LIMCH1: variants seen among roughly 807,000 people sequenced by gnomAD.
LIMCH1 encodes the protein LIM and calponin homology domains-containing protein 1.
LIMCH1 carries 113 observed loss-of-function variants against 176.5 expected under a neutral mutation model. The ratio of observed to expected loss-of-function variants is 0.64; its 90% confidence interval spans 0.55 to 0.75. The LOEUF (loss-of-function observed/expected upper bound fraction) is 0.75, where lower values mean the gene tolerates loss of function less well. LIMCH1 is among the 30% of genes least tolerant of loss of function. LIMCH1 has a pLI of 0.00. For synonymous variants in LIMCH1, 619 were observed against 645.9 expected (o/e 0.96, Z 0.63); for missense variants, 1,674 against 1,814.9 (o/e 0.92, Z 1.41).
intron 4 of LIMCH1, chr4:41,613,143 CT>C (rs1561919828): frequency 6.8e-7 from 1 of 1,471,220 alleles, no homozygotes; most frequent in Admixed American, 2.0e-5. Flanking sequence ...TATCATTGTA[CT>C]GTTGTGAATC....
Position 41,360,975 on chromosome 4 carries a change from C to A in LIMCH1, c.96+39C>A. The stretch of plus-strand genomic sequence containing the variant: ...GCTGGCGGGCGGCCTTGCACTGGCG[C>A]CCTGAGCCACGGACCCGCGCACGCT... On this transcript the variant is annotated intron_variant, in intron 1 of 26. Transcript: ENST00000313860. The surrounding 1 kb of genome is among the most constrained non-coding windows in gnomAD (Gnocchi z 4.5). 1.4e-6 allele frequency: 2 copies of A among 1,466,606 alleles called. No individual in the cohort carries two copies. The highest frequency in any genetic ancestry group is 2.6e-5 in the East Asian group (1 of 38,156). 90.8% of individuals were successfully genotyped at this position (1,466,606 alleles called of 1,614,324 possible).
intron 1 of LIMCH1, among the ~76,000 whole-genome samples, chr4:41,376,740 T>C (rs2054825891): frequency 6.6e-6 from 1 of 152,202 alleles, no homozygotes; most frequent in Non-Finnish European, 1.5e-5. Context: ...CTCATGACAC[T>C]AATTTGGAAC....
intron 2 of LIMCH1, among the ~76,000 whole-genome samples, chr4:41,521,888 T>G (rs1471391416): frequency 1.3e-5 from 2 of 152,084 alleles, no homozygotes; most frequent in Admixed American, 1.3e-4. Flanking sequence ...TAAGTGTAAT[T>G]TTTACAAAGG....
chr4:41,445,100 G>A (rs1315047072), intron 1 of LIMCH1, among the ~76,000 whole-genome samples: 2 of 149,828 alleles, frequency 1.3e-5, no homozygotes, highest in African/African-American at 4.9e-5. Context: ...CCACCTCCCA[G>A]GTTCAAGCAA....
At chr4:41,692,675 T>A in intron 31 of LIMCH1, 1 of 288,396 alleles carries the variant, frequency 3.5e-6, no homozygotes, top group Non-Finnish European at 6.6e-6. Flanking sequence ...AAAGGAGATA[T>A]AAGGTCTGTC....
chr4:41,429,864 C>CA (rs1287861418), intron 1 of LIMCH1, among the ~76,000 whole-genome samples: 1 of 141,964 alleles, frequency 7.0e-6, no homozygotes, highest in Non-Finnish European at 1.5e-5. Flanking sequence ...TCACCAGTTA[C>CA]AAGGGAAGGA....
chr4:41,401,704 T>A (rs2058459787), intron 1 of LIMCH1, among the ~76,000 whole-genome samples: 1 of 152,158 alleles, frequency 6.6e-6, no homozygotes, highest in Admixed American at 6.5e-5. Context: ...CTCTTTTATT[T>A]CATTGAGCAG....
intron 1 of LIMCH1, among the ~76,000 whole-genome samples, chr4:41,490,689 A>G (rs1277465079): frequency 6.6e-6 from 1 of 152,206 alleles, no homozygotes; most frequent in Non-Finnish European, 1.5e-5. Context: ...TCCTACACAG[A>G]CACAGTAACA....
At chr4:41,547,714 A>G (rs1275462002) in intron 1 of LIMCH1, among the ~76,000 whole-genome samples, 2 of 144,994 alleles carry the variant, frequency 1.4e-5, no homozygotes, top group Non-Finnish European at 3.0e-5. Flanking sequence ...AATAGTATAC[A>G]CATATATACA....
chr4:41,646,602 A>G lies in LIMCH1; in HGVS notation c.2529A>G (p.Glu843=), dbSNP rs924634868. The change falls in exon 17 of 32, where the codon GAA becomes GAG. Residue 843 remains glutamate, a synonymous_variant. Coordinates refer to ENST00000503057, the MANE Select transcript of LIMCH1 (RefSeq NM_001330672.2). The stretch of plus-strand genomic sequence containing the variant: ...TCACCATCAGTGAGGCTGTTCTCGA[A>G]CGCTTGGAGATGCCAAAAATTCTGG... ...ERFTISEAVL[E]RLEMPKILER... is the part of the protein sequence containing the mutation. 4.3e-6 allele frequency: 7 copies of G among 1,614,210 alleles called. No individual in the cohort carries two copies. The highest frequency in any genetic ancestry group is 2.2e-5 in the East Asian group (1 of 44,882).
rs192879434 is a variant in LIMCH1 at position 41,607,979 on chromosome 4, G to A, written c.9+1975G>A. Among the ~76,000 whole-genome samples, 777 of 152,192 alleles carry A rather than the reference G, an allele frequency of 5.1e-3. 8 individuals carry two copies. Among genetic ancestry groups the A allele is most frequent in the African/African-American group, 0.018 (728 of 41,508 alleles). ...TAATCTCATTTTGTCAGTTAGGATC[G>A]GGTTCAGCTGGGAAACACAAAAGCC... On this transcript the variant is annotated intron_variant, in intron 4 of 31. Coordinates refer to ENST00000503057, the MANE Select transcript of LIMCH1 (RefSeq NM_001330672.2).
At chr4:41,419,596 T>TTCCG (rs1278193759) in intron 1 of LIMCH1, among the ~76,000 whole-genome samples, 11 of 80,340 alleles carry the variant, frequency 1.4e-4, no homozygotes, top group African/African-American at 6.6e-4. Context: ...CCTTCCTTCC[T>TTCCG]TCCTTCCGTC....
intron 1 of LIMCH1, among the ~76,000 whole-genome samples, chr4:41,464,045 C>T (rs1030177442): frequency 1.3e-5 from 2 of 151,938 alleles, no homozygotes; most frequent in Admixed American, 6.6e-5. Flanking sequence ...AAACCCAAAT[C>T]TTATTTTGTC....
At chr4:41,549,247 A>G (rs2080043218) in intron 1 of LIMCH1, among the ~76,000 whole-genome samples, 1 of 152,202 alleles carries the variant, frequency 6.6e-6, no homozygotes, top group Admixed American at 6.5e-5. Context: ...TATTAATCTA[A>G]TAATAGTTAA....
At chr4:41,567,418 T>C (rs2082919722) in intron 1 of LIMCH1, among the ~76,000 whole-genome samples, 1 of 152,204 alleles carries the variant, frequency 6.6e-6, no homozygotes, top group African/African-American at 2.4e-5. Flanking sequence ...AACTTTTGAC[T>C]TGCTCTCAGC....
intron 12 of LIMCH1, 90 bp from the exon 13 acceptor site, chr4:41,633,458 C>T (rs2093429776): frequency 6.9e-7 from 1 of 1,450,496 alleles, no homozygotes; most frequent in African/African-American, 1.4e-5. Flanking sequence ...CTGGCTTCTT[C>T]TGTCTTGAAT....
intron 1 of LIMCH1, chr4:41,361,034 C>T: frequency 2.7e-6 from 2 of 749,468 alleles, no homozygotes; most frequent in Non-Finnish European, 4.1e-6. Context: ...TCCCCCCAAC[C>T]GCCCCCACTT....
At chr4:41,546,699 A>G (rs1561701029) in intron 1 of LIMCH1, among the ~76,000 whole-genome samples, 1 of 152,152 alleles carries the variant, frequency 6.6e-6, no homozygotes, top group Non-Finnish European at 1.5e-5. Flanking sequence ...GTGATAGATT[A>G]TGGCACTAAA....
chr4:41,535,977 G>A (rs772781450), upstream of LIMCH1, among the ~76,000 whole-genome samples: 1 of 151,948 alleles, frequency 6.6e-6, no homozygotes, highest in Non-Finnish European at 1.5e-5. Flanking sequence ...GTTGAACAGC[G>A]TTTAGCAGAA....
Sources: allele counts gnomAD v4.1 joint callset (sites outside exome capture counted in the v4.1 genomes callset), GRCh38; gene constraint gnomAD v4.1.1; non-coding constraint Gnocchi (gnomAD v3.1); transcripts MANE v1.5; gene names NCBI Gene and HGNC (gene_info 2026-07-23, HGNC 2026-07-21).